Variants in TRAM2 observed in about 807,000 individuals in gnomAD.
TRAM2 encodes the protein translocation associated membrane protein 2.
Under a neutral mutation model 51.0 loss-of-function variants are expected in TRAM2, and 12 were observed. That is an observed-to-expected ratio of 0.24 (90% confidence interval 0.15 to 0.38). TRAM2 has a LOEUF of 0.38. Among genes scored for constraint, TRAM2 ranks in the 10% least tolerant of loss-of-function variants. The probability of loss-of-function intolerance (pLI) is 1.00; values close to 1 mark genes in which losing one functional copy is unlikely to be tolerated. For synonymous variants in TRAM2, 175 were observed against 179.4 expected (o/e 0.98, Z 0.20); for missense variants, 361 against 462.0 (o/e 0.78, Z 2.00).
intron 1 of TRAM2, among the ~76,000 whole-genome samples, chr6:52,541,141 G>A (rs970134705): frequency 6.6e-6 from 1 of 152,218 alleles, no homozygotes; most frequent in Non-Finnish European, 1.5e-5. Flanking sequence ...AGTGGATGTG[G>A]ATTCCAGTCC....
chr6:52,560,188 A>G (rs1318494815), intron 1 of TRAM2, among the ~76,000 whole-genome samples: 1 of 152,118 alleles, frequency 6.6e-6, no homozygotes, highest in Non-Finnish European at 1.5e-5. Context: ...AGGAGGTTGC[A>G]GTGAGCCGAG....
At chr6:52,528,613 G>A (rs1766826058) in intron 2 of TRAM2, among the ~76,000 whole-genome samples, 1 of 152,166 alleles carries the variant, frequency 6.6e-6, no homozygotes. Flanking sequence ...GAGGCTGCGA[G>A]AACAATGGCC....
rs1272800291 is a variant in TRAM2, at chr6:52,501,058, G to T, written c.*2139C>A. ...GGGCCTGAACTCAATTATAGACTCT[G>T]TCAGGGCTGTTTGACTAAAGTGGCT... On this transcript the variant is annotated 3_prime_UTR_variant, in exon 11 of 11. Coordinates refer to ENST00000182527, the MANE Select transcript of TRAM2 (RefSeq NM_012288.4). 1 of 152,328 alleles carries T rather than the reference G, an allele frequency of 6.6e-6. No individual in the cohort carries two copies. Among genetic ancestry groups the T allele is most frequent in the Admixed American group, 6.5e-5 (1 of 15,306 alleles). The allele number at this position is 152,328 out of a possible 1,614,324, so 9.4% of individuals were successfully genotyped here.
intron 1 of TRAM2, among the ~76,000 whole-genome samples, chr6:52,541,803 G>GTT (rs56919932): frequency 0.018 from 2,552 of 138,590 alleles, 97 homozygotes; most frequent in African/African-American, 0.056. Flanking sequence ...AGTTTATTCT[G>GTT]TTTTTTTTTT....
chr6:52,525,419 TG>T (rs1250284706), intron 2 of TRAM2, among the ~76,000 whole-genome samples: 1 of 152,122 alleles, frequency 6.6e-6, no homozygotes, highest in Non-Finnish European at 1.5e-5. Flanking sequence ...ATGTGACCAG[TG>T]GTGTTTTAAC....
In TRAM2 at chr6:52,499,655, A is replaced by C. The variant is rs1188173892; in HGVS notation, c.*3542T>G. The stretch of plus-strand genomic sequence containing the variant: ...GTCCCAAAAGAGACCCCAGAAGCAC[A>C]CACCCACCCCAAGCTTCAGGGGTTC... On this transcript the variant is annotated 3_prime_UTR_variant, in exon 11 of 11. Transcript: ENST00000182527. The C allele has an allele frequency of 6.6e-6, 1 of 152,218 alleles. No homozygotes were observed. Among genetic ancestry groups the C allele is most frequent in the Non-Finnish European group, 1.5e-5 (1 of 68,070 alleles). The allele number at this position is 152,218 out of a possible 1,614,324, so 9.4% of individuals were successfully genotyped here.
chr6:52,549,134 T>G (rs551079135), intron 1 of TRAM2, among the ~76,000 whole-genome samples: 1 of 152,162 alleles, frequency 6.6e-6, no homozygotes, highest in Admixed American at 6.5e-5. Context: ...CACCGTGTGG[T>G]CCAACTTCAG....
chr6:52,542,868 T>C (rs1050063514), intron 1 of TRAM2, among the ~76,000 whole-genome samples: 4 of 152,206 alleles, frequency 2.6e-5, no homozygotes, highest in African/African-American at 9.6e-5. Context: ...TAAAAAATCT[T>C]TGAAGTTGGG....
In TRAM2 at chr6:52,503,147, C is replaced by A; in HGVS notation, c.*50G>T. On this transcript the variant is annotated 3_prime_UTR_variant, in exon 11 of 11. Transcript: ENST00000182527. ...GCAGGGAGGGGGCCTGGGCTCCTTG[C>A]CCCCTGCTCGGCCCCCACCAAGAGG... The A allele has an allele frequency of 6.6e-7, 1 of 1,512,686 alleles. No individual in the cohort carries two copies. The highest frequency in any genetic ancestry group is 9.2e-7 in the Non-Finnish European group (1 of 1,089,456). The allele number at this position is 1,512,686 out of a possible 1,614,324, so 93.7% of individuals were successfully genotyped here.
Position 52,535,860 on chromosome 6 carries a change from G to A in TRAM2, c.121-14C>T. The A allele has an allele frequency of 6.2e-7, 1 of 1,612,250 alleles. No homozygotes were observed. The highest frequency in any genetic ancestry group is 8.5e-7 in the Non-Finnish European group (1 of 1,178,928). On this transcript the variant is annotated splice_polypyrimidine_tract_variant and intron_variant, in intron 1 of 10. Coordinates refer to ENST00000182527, the MANE Select transcript of TRAM2 (RefSeq NM_012288.4). ...CTTGGCTGTGACCTGTAAAACAAAGGAAAAGAGTTCCAGTTTAGCTTTTGG... is the reference window on the plus strand; with the variant it reads ...CTTGGCTGTGACCTGTAAAACAAAGAAAAAGAGTTCCAGTTTAGCTTTTGG...
chr6:52,576,667 G>T, intron 1 of TRAM2, 129 bp downstream of exon 1: 2 of 1,265,414 alleles, frequency 1.6e-6, no homozygotes, highest in Non-Finnish European at 1.1e-6. Context: ...ACAAAGCCGG[G>T]GTGCAGATAA....
At chr6:52,528,206 T>C (rs563460085) in intron 2 of TRAM2, among the ~76,000 whole-genome samples, 2 of 152,258 alleles carry the variant, frequency 1.3e-5, no homozygotes, top group African/African-American at 2.4e-5. Context: ...TGGTGCATCC[T>C]TGGGAGCACC....
chr6:52,524,542 AG>A (rs1160762288), intron 2 of TRAM2: 1 of 152,090 alleles, frequency 6.6e-6, no homozygotes, highest in Non-Finnish European at 1.5e-5. Flanking sequence ...CAGGGAAGCT[AG>A]GAAGTGGGAA....
chr6:52,566,983 AT>A (rs1482610492), intron 1 of TRAM2, among the ~76,000 whole-genome samples: 1 of 152,212 alleles, frequency 6.6e-6, no homozygotes, highest in Non-Finnish European at 1.5e-5. Flanking sequence ...GAGATGGTAA[AT>A]TCCTTGTGAT....
At chr6:52,527,377 CA>C (rs11293279) in intron 2 of TRAM2, among the ~76,000 whole-genome samples, 94,233 of 133,562 alleles carry the variant, frequency 0.71, 32,116 homozygotes, top group East Asian at 0.84. Context: ...GACTCTATCT[CA>C]AAAAAAAAAA....
intron 1 of TRAM2, among the ~76,000 whole-genome samples, chr6:52,572,479 T>C (rs1293707372): frequency 1.3e-5 from 2 of 152,180 alleles, no homozygotes; most frequent in African/African-American, 4.8e-5. Flanking sequence ...GGCATGTGCC[T>C]GTAATCTCAG....
intron 2 of TRAM2, among the ~76,000 whole-genome samples, chr6:52,525,482 C>G (rs974372955): frequency 1.3e-5 from 2 of 152,150 alleles, no homozygotes; most frequent in African/African-American, 4.8e-5. Flanking sequence ...CACACACACA[C>G]AGAGGCTGTT....
At chr6:52,513,543 G>A (rs1012944942) in intron 4 of TRAM2, among the ~76,000 whole-genome samples, 2 of 152,138 alleles carry the variant, frequency 1.3e-5, no homozygotes, top group African/African-American at 4.8e-5. Context: ...TTGGTGGGGG[G>A]TTCTCTGAGG....
chr6:52,564,738 C>T (rs1767561579), intron 1 of TRAM2, among the ~76,000 whole-genome samples: 1 of 152,110 alleles, frequency 6.6e-6, no homozygotes, highest in Admixed American at 6.5e-5. Flanking sequence ...GCCCCAAGAA[C>T]AGGGCTTGGC....
Sources: gnomAD v4.1 joint callset for allele counts (sites outside exome capture counted in the v4.1 genomes callset) on GRCh38, gnomAD v4.1.1 for gene constraint, MANE v1.5 for transcripts, NCBI Gene and HGNC (gene_info 2026-07-23, HGNC 2026-07-21) for gene names.